Variants in NEXMIF observed in about 807,000 individuals in gnomAD.
NEXMIF encodes XLMR protein related to neurite extension.
NEXMIF carries 8 observed loss-of-function variants against 62.1 expected under a neutral mutation model. The ratio of observed to expected loss-of-function variants is 0.13; its 90% CI spans 0.08 to 0.23. The LOEUF (loss-of-function observed/expected upper bound fraction) is 0.23, where lower values mean the gene tolerates loss of function less well. Among genes scored for constraint, NEXMIF ranks in the 10% least tolerant of loss-of-function variants. NEXMIF has a pLI of 1.00. For synonymous variants in NEXMIF, 404 were observed against 416.6 expected (o/e 0.97, Z 0.37); for missense variants, 976 against 1,113.3 (o/e 0.88, Z 1.75).
At chrX:74,842,944 T>C (rs1335384859) in intron 1 of NEXMIF, among the ~76,000 whole-genome samples, 1 of 111,853 alleles carries the variant, frequency 8.9e-6, no homozygotes, top group African/African-American at 3.3e-5. Flanking sequence ...ATAATGTACA[T>C]TCTGTTGTTT....
At chrX:74,759,930 G>A (rs760977148) in intron 1 of NEXMIF, among the ~76,000 whole-genome samples, 237 of 111,791 alleles carry the variant, frequency 2.1e-3, no homozygotes, top group Non-Finnish European at 3.8e-3. Context: ...TATTAAGAAT[G>A]TCCTTGGTAA....
At chrX:74,751,376 C>T in intron 1 of NEXMIF, among the ~76,000 whole-genome samples, 1 of 111,778 alleles carries the variant, frequency 8.9e-6, no homozygotes, top group East Asian at 2.8e-4. Flanking sequence ...ACTAGCTATA[C>T]AATAAGGGAG....
At chrX:74,880,335 T>G (rs1456940885) in intron 1 of NEXMIF, among the ~76,000 whole-genome samples, 1 of 111,365 alleles carries the variant, frequency 9.0e-6, no homozygotes, top group African/African-American at 3.3e-5. Flanking sequence ...ATGGAACTCG[T>G]AGCTCAGCAT....
At chrX:74,800,386 T>C (rs1323493821) in intron 1 of NEXMIF, among the ~76,000 whole-genome samples, 1 of 111,754 alleles carries the variant, frequency 8.9e-6, no homozygotes, top group Non-Finnish European at 1.9e-5. Context: ...TTTTTTTTTA[T>C]AAAAAGCTTT....
intron 1 of NEXMIF, among the ~76,000 whole-genome samples, chrX:74,761,034 A>AT (rs893136086): frequency 1.7e-4 from 18 of 108,599 alleles, no homozygotes; most frequent in African/African-American, 4.7e-4. Flanking sequence ...CGCCCAGCTG[A>AT]TTTTTTTTGT....
In NEXMIF at chrX:74,742,494, C is replaced by T; in HGVS notation, c.2063G>A (p.Gly688Glu). 1.7e-6 allele frequency: 2 copies of T among 1,209,922 alleles called. No homozygotes were observed. The highest frequency in any genetic ancestry group is 2.2e-6 in the Non-Finnish European group (2 of 895,083). Residue 688 changes from glycine to glutamate, a missense_variant, in exon 3 of 4, where the codon GGA (glycine) becomes GAA (glutamate). Gly to Glu is a moderately conservative substitution (Grantham distance 98). This residue lies in a region of NEXMIF where 639 missense variants were observed against 694.5 expected (regional missense o/e 0.92). Coordinates refer to ENST00000055682, the MANE Select transcript of NEXMIF (RefSeq NM_001008537.3). ...GCCTGTGATGTCATTTAAATGTGAT[C>T]CATTTGCACAGCTAGGAGCACCCAG... ...APLGAPSCAN[G>E]SHLNDITGPD...
intron 1 of NEXMIF, among the ~76,000 whole-genome samples, chrX:74,904,535 ACAAT>A (rs772934979): frequency 8.9e-6 from 1 of 112,164 alleles, no homozygotes; most frequent in Non-Finnish European, 1.9e-5. Context: ...AAGATAGGGT[ACAAT>A]CAAAGAAACA....
Position 74,843,413 on chromosome X carries a change from CT to C in NEXMIF, c.-48+81469del, listed in dbSNP as rs376924450. ...GAAGATAGCATACTATTGGGTCTTG[CT>C]TTTTTTTTTTGTTTGTTTGAGATGG... On this transcript the variant is annotated intron_variant, in intron 1 of 3. Transcript: ENST00000055682. Among the ~76,000 whole-genome samples the C allele has an allele frequency of 2.3e-3, 227 of 100,835 alleles. 1 individual carries two copies. The East Asian group carries it at 0.037, about 16-fold the overall frequency. The allele number at this position is 100,835 out of a possible 115,157, so 87.6% of individuals were successfully genotyped here.
At chrX:74,829,193 GT>G (rs1186269528) in intron 1 of NEXMIF, among the ~76,000 whole-genome samples, 3 of 111,882 alleles carry the variant, frequency 2.7e-5, no homozygotes, top group Non-Finnish European at 5.6e-5. Flanking sequence ...TATCCTTTGT[GT>G]TACAAACAAT....
chrX:74,853,252 G>T (rs1000596826), intron 1 of NEXMIF, among the ~76,000 whole-genome samples: 3 of 110,158 alleles, frequency 2.7e-5, no homozygotes, highest in Non-Finnish European at 5.7e-5. Context: ...AATCGGTTTT[G>T]TACAGAGGCT....
At chrX:74,875,649 T>C (rs142042392) in intron 1 of NEXMIF, among the ~76,000 whole-genome samples, 43 of 112,160 alleles carry the variant, frequency 3.8e-4, no homozygotes, top group Middle Eastern at 9.3e-3. Flanking sequence ...TGGTAAGCTA[T>C]TGATTATTGC....
chrX:74,916,500 G>T (rs1413704211), intron 1 of NEXMIF, among the ~76,000 whole-genome samples: 1 of 111,305 alleles, frequency 9.0e-6, no homozygotes, highest in Non-Finnish European at 1.9e-5. Flanking sequence ...GTTATCACGG[G>T]AGTGGGACTG....
intron 1 of NEXMIF, among the ~76,000 whole-genome samples, chrX:74,917,676 C>T (rs2080812353): frequency 8.9e-6 from 1 of 111,785 alleles, no homozygotes; most frequent in Non-Finnish European, 1.9e-5. Flanking sequence ...GACTCCATCA[C>T]CATACCTAAT....
At chrX:74,806,201 C>A (rs1192192244) in intron 1 of NEXMIF, among the ~76,000 whole-genome samples, 1 of 110,840 alleles carries the variant, frequency 9.0e-6, no homozygotes, top group Non-Finnish European at 1.9e-5. Flanking sequence ...TTTCATGGAT[C>A]ACGCCTTTGA....
chrX:74,838,559 G>A (rs958255269), intron 1 of NEXMIF, among the ~76,000 whole-genome samples: 2 of 112,381 alleles, frequency 1.8e-5, no homozygotes, highest in Admixed American at 1.9e-4. Flanking sequence ...TTGCCAATGG[G>A]CTTTTCCTTG....
At chrX:74,888,695 A>T (rs2080706614) in intron 1 of NEXMIF, among the ~76,000 whole-genome samples, 1 of 103,447 alleles carries the variant, frequency 9.7e-6, no homozygotes, top group South Asian at 4.9e-4. Flanking sequence ...GTACAATAAA[A>T]AAACTAAAGA....
At chrX:74,905,129 G>C (rs1022455917) in intron 1 of NEXMIF, among the ~76,000 whole-genome samples, 11 of 111,304 alleles carry the variant, frequency 9.9e-5, no homozygotes, top group African/African-American at 3.6e-4. Flanking sequence ...AGTAGAAAAG[G>C]GGAATGTAAA....
chrX:74,746,476 G>T (rs1009136462), intron 1 of NEXMIF, among the ~76,000 whole-genome samples: 1 of 111,560 alleles, frequency 9.0e-6, no homozygotes, highest in African/African-American at 3.3e-5. Context: ...AGATGAGATG[G>T]GGGTATCTGC....
rs1423670295 is a variant in NEXMIF at position 74,885,631 on chromosome X, G to A, written c.-48+39252C>T. On this transcript the variant is annotated intron_variant, in intron 1 of 3. Transcript: ENST00000055682. Reference sequence around the variant, plus strand: ...GAATCTCTGAATAGACCAATAACAGGATCTGAAATTGTGGCAATAATTAAT... The same window carrying A: ...GAATCTCTGAATAGACCAATAACAGAATCTGAAATTGTGGCAATAATTAAT... Among the ~76,000 whole-genome samples, 4 of 111,494 alleles carry A rather than the reference G, an allele frequency of 3.6e-5. No homozygotes were observed. In the Admixed American group the frequency reaches 3.8e-4, roughly 11 times the overall value.
Sources: allele counts gnomAD v4.1 joint callset (sites outside exome capture counted in the v4.1 genomes callset), GRCh38; gene constraint gnomAD v4.1.1; regional missense constraint gnomAD v4.1.1; transcripts MANE v1.5; gene names NCBI Gene and HGNC (gene_info 2026-07-23, HGNC 2026-07-21).